The following ARFGEF3 variants were observed in gnomAD, a reference collection of about 807,000 sequenced individuals.
The protein encoded by ARFGEF3 is brefeldin A-inhibited guanine nucleotide-exchange protein 3.
A neutral mutation model predicts 221.7 loss-of-function variants in ARFGEF3; 96 were observed. The ratio of observed to expected loss-of-function variants is 0.43; its 90% CI spans 0.37 to 0.51. The LOEUF (loss-of-function observed/expected upper bound fraction) is 0.51. ARFGEF3 is among the 20% of genes least tolerant of loss of function. The pLI, the probability that ARFGEF3 is intolerant of heterozygous loss-of-function variation, is 0.00. For synonymous variants in ARFGEF3, 1,145 were observed against 1,126.8 expected, an observed-to-expected ratio of 1.02 and a Z score of -0.32; for missense variants, 2,410 against 2,789.9, an observed-to-expected ratio of 0.86 and a Z score of 3.07.
At chr6:138,238,171 G>A (rs1014008304) in intron 5 of ARFGEF3, among the ~76,000 whole-genome samples, 3 of 152,134 alleles carry the variant, frequency 2.0e-5, no homozygotes, top group African/African-American at 4.8e-5. Flanking sequence ...ATTTCACTAC[G>A]AAGGGAGCTT....
intron 2 of ARFGEF3, among the ~76,000 whole-genome samples, chr6:138,204,339 CAAAAAA>C (rs11336345): frequency 3.3e-5 from 2 of 60,400 alleles, no homozygotes; most frequent in Admixed American, 2.0e-4. Flanking sequence ...ACTCCATCTC[CAAAAAA>C]AAAAAAAAAA....
chr6:138,335,335 T>C, intron 33 of ARFGEF3, 147 bp downstream of exon 33: 1 of 748,578 alleles, frequency 1.3e-6, no homozygotes, highest in Non-Finnish European at 2.0e-6. Context: ...GTCAGAGGAC[T>C]GCCTGAACCT....
chr6:138,241,299 C>T (rs1364906433), intron 6 of ARFGEF3, among the ~76,000 whole-genome samples: 2 of 152,224 alleles, frequency 1.3e-5, no homozygotes, highest in African/African-American at 2.4e-5. Flanking sequence ...TCCATCACTC[C>T]TCTGTCTACC....
Position 138,336,450 on chromosome 6 carries a change from G to A in ARFGEF3, c.6498G>A (p.Leu2166=). The A allele has an allele frequency of 6.2e-7, 1 of 1,612,280 alleles. No individual in the cohort carries two copies. Among genetic ancestry groups the A allele is most frequent in the Non-Finnish European group, 8.5e-7 (1 of 1,179,228 alleles). Residue 2166 remains leucine (L), a synonymous_variant, in exon 34 of 34, where the codon CTG becomes CTA. Coordinates refer to ENST00000251691, the MANE Select transcript of ARFGEF3 (RefSeq NM_020340.5). Reference sequence around the variant, plus strand: ...TTCGCCAGGCTGTGAGGGAGTGGCTGGGCAGGGTGGGCCGTGTCTATGACA... The same window carrying A: ...TTCGCCAGGCTGTGAGGGAGTGGCTAGGCAGGGTGGGCCGTGTCTATGACA... ...IRVRQAVREW[L]GRVGRVYDII... is the part of the protein sequence containing the mutation.
At position 138,280,025 on chromosome 6, in the gene ARFGEF3, C is replaced by T. The variant is rs752015750; in HGVS notation, c.2322C>T (p.Thr774=). 6 of 1,613,924 alleles carry T rather than the reference C, an allele frequency of 3.7e-6. No homozygotes were observed. Among genetic ancestry groups the T allele is most frequent in the African/African-American group, 1.3e-5 (1 of 75,050 alleles). ...VMKDFMKQVQ[T]SGVLMVFSQA... ...AGGACTTCATGAAGCAGGTGCAGAC[C>T]AGCGGCGTGCTGATGGTCTTCTCTC... Residue 774 remains threonine (T), a synonymous_variant, in exon 14 of 34, where the codon ACC becomes ACT. Coordinates refer to ENST00000251691, the MANE Select transcript of ARFGEF3 (RefSeq NM_020340.5).
intron 4 of ARFGEF3, 32 bp downstream of exon 4, chr6:138,210,073 C>A (rs751472322): frequency 1.2e-6 from 2 of 1,608,628 alleles, no homozygotes; most frequent in Non-Finnish European, 8.5e-7. Context: ...GTGTGCGTCA[C>A]TGGGACAGGA....
chr6:138,298,603 C>A lies in ARFGEF3; in HGVS notation c.3649-3C>A, dbSNP rs1185887611. On this transcript the variant is annotated splice_polypyrimidine_tract_variant and splice_region_variant and intron_variant, in intron 21 of 33. Transcript: ENST00000251691. The stretch of plus-strand genomic sequence containing the variant: ...GTGAGCCACTCTCTCGTGAATTTTG[C>A]AGGCTGCTTGCCATAAGGAAAGACA... The A allele has an allele frequency of 6.2e-7, 1 of 1,609,724 alleles. No individual in the cohort carries two copies. The highest frequency in any genetic ancestry group is 1.7e-5 in the Admixed American group (1 of 59,594).
intron 14 of ARFGEF3, among the ~76,000 whole-genome samples, 194 bp downstream of exon 14, chr6:138,280,358 G>A (rs908789552): frequency 2.0e-5 from 3 of 152,158 alleles, no homozygotes; most frequent in Non-Finnish European, 1.5e-5. Context: ...CCTTTTCCAT[G>A]TGGGAGTCTG....
At chr6:138,307,469 A>C in intron 23 of ARFGEF3, 72 bp downstream of exon 23, 1 of 1,428,440 alleles carries the variant, frequency 7.0e-7, no homozygotes, top group Non-Finnish European at 9.7e-7. Context: ...ATTAAAAAAA[A>C]AAAATTGAAC....
chr6:138,314,440 C>A (rs765068993), intron 26 of ARFGEF3, among the ~76,000 whole-genome samples: 1 of 152,158 alleles, frequency 6.6e-6, no homozygotes, highest in Non-Finnish European at 1.5e-5. Context: ...CTCTGGCCCC[C>A]AAAATTGAGG....
At chr6:138,294,423 G>GGT (rs1779469943) in intron 20 of ARFGEF3, among the ~76,000 whole-genome samples, 2 of 152,172 alleles carry the variant, frequency 1.3e-5, no homozygotes, top group African/African-American at 4.8e-5. Flanking sequence ...GGCTCCTTAG[G>GGT]GTGCAGATAG....
At chr6:138,179,016 G>T (rs1777011315) in intron 2 of ARFGEF3, among the ~76,000 whole-genome samples, 1 of 152,150 alleles carries the variant, frequency 6.6e-6, no homozygotes, top group African/African-American at 2.4e-5. Context: ...TATGCCAAAG[G>T]ATGCTAAAGA....
intron 12 of ARFGEF3, among the ~76,000 whole-genome samples, chr6:138,271,343 A>G (rs934794334): frequency 6.6e-6 from 1 of 152,186 alleles, no homozygotes; most frequent in South Asian, 2.1e-4. Flanking sequence ...TACCACCTAG[A>G]AGCTGACTCT....
rs185838179 is a variant in ARFGEF3, at chr6:138,315,154, G to T, written c.4345+1215G>T. Among the ~76,000 whole-genome samples the T allele has an allele frequency of 7.0e-4, 107 of 152,284 alleles. 1 individual carries two copies. Among genetic ancestry groups the T allele is most frequent in the Middle Eastern group, 3.4e-3 (1 of 294 alleles). On this transcript the variant is annotated intron_variant, in intron 26 of 33. Transcript: ENST00000251691. ...TAATTACTTCTTACAGGACTATTTG[G>T]TTAGAGACTGGGGAAATTAAGCCAT...
intron 12 of ARFGEF3, among the ~76,000 whole-genome samples, chr6:138,267,966 C>A (rs1056106397): frequency 6.6e-6 from 1 of 152,094 alleles, no homozygotes; most frequent in African/African-American, 2.4e-5. Flanking sequence ...TTTTTCTATT[C>A]AGGAGTTGGA....
intron 4 of ARFGEF3, among the ~76,000 whole-genome samples, chr6:138,228,447 A>G (rs1040565961): frequency 2.8e-4 from 42 of 151,414 alleles, no homozygotes; most frequent in African/African-American, 9.5e-4. Context: ...TCAGCTTTGC[A>G]AAGTGCTGGG....
chr6:138,274,261 T>C (rs887939608), intron 12 of ARFGEF3, among the ~76,000 whole-genome samples: 3 of 152,216 alleles, frequency 2.0e-5, no homozygotes, highest in Non-Finnish European at 2.9e-5. Context: ...ATAGACTCAA[T>C]TGTACCTTTC....
At chr6:138,246,987 T>G (rs538437238) in intron 8 of ARFGEF3, among the ~76,000 whole-genome samples, 1 of 152,322 alleles carries the variant, frequency 6.6e-6, no homozygotes, top group Non-Finnish European at 1.5e-5. Context: ...ACCTTAAATA[T>G]GCACAATAAA....
At chr6:138,312,868 C>G (rs949301101) in intron 25 of ARFGEF3, among the ~76,000 whole-genome samples, 1 of 152,122 alleles carries the variant, frequency 6.6e-6, no homozygotes, top group African/African-American at 2.4e-5. Flanking sequence ...CGCCACCACA[C>G]CCAGCTAATT....
Sources: allele counts gnomAD v4.1 joint callset (sites outside exome capture counted in the v4.1 genomes callset), GRCh38; gene constraint gnomAD v4.1.1; transcripts MANE v1.5; gene names NCBI Gene and HGNC (gene_info 2026-07-23, HGNC 2026-07-21).